The following AKAP9 variants were observed in gnomAD, a reference collection of about 807,000 sequenced individuals.
The protein encoded by AKAP9 is A-kinase anchor protein 9.
Under a neutral mutation model 488.5 loss-of-function variants are expected in AKAP9, and 311 were observed. The observed-to-expected ratio is 0.64, with a 90% CI of 0.58 to 0.70. The LOEUF (loss-of-function observed/expected upper bound fraction) is 0.70, where lower values mean the gene tolerates loss of function less well. Ranked by LOEUF, AKAP9 falls within the 30% of genes least tolerant of loss-of-function variation. The pLI is 0.00. For synonymous variants in AKAP9, 1,462 were observed against 1,483.5 expected, an observed-to-expected ratio of 0.99 and a Z score of 0.33; for missense variants, 4,215 against 4,374.5, an observed-to-expected ratio of 0.96 and a Z score of 1.03.
chr7:92,087,477 A>G (rs746396744), intron 37 of AKAP9, among the ~76,000 whole-genome samples: 4 of 152,184 alleles, frequency 2.6e-5, no homozygotes, highest in Non-Finnish European at 4.4e-5. Context: ...TCTAAAAAGA[A>G]ATTCACTTAT....
At chr7:91,996,429 C>T (rs561119255) in intron 7 of AKAP9, among the ~76,000 whole-genome samples, 1 of 152,310 alleles carries the variant, frequency 6.6e-6, no homozygotes, top group South Asian at 2.1e-4. Flanking sequence ...GGCCACCCCA[C>T]TAACAGGTGT....
At chr7:92,052,044 T>G (rs1808069461) in intron 21 of AKAP9, among the ~76,000 whole-genome samples, 1 of 152,172 alleles carries the variant, frequency 6.6e-6, no homozygotes, top group African/African-American at 2.4e-5. Context: ...AAAGTTAAAT[T>G]AGACCTGCTC....
intron 21 of AKAP9, among the ~76,000 whole-genome samples, chr7:92,050,853 T>G (rs1188047954): frequency 1.3e-5 from 2 of 152,164 alleles, no homozygotes; most frequent in Non-Finnish European, 2.9e-5. Context: ...TTCCTGATTT[T>G]TTAGTATTTT....
rs370898377 is a variant in AKAP9 at position 92,077,095 on chromosome 7, TC to T, written c.6765+89del. 1,533 of 394,146 alleles carry T rather than the reference TC, an allele frequency of 3.9e-3. 40 individuals carry two copies. The highest frequency in any genetic ancestry group is 0.014 in the African/African-American group (567 of 41,768). The allele number at this position is 394,146 out of a possible 1,614,324, so 24.4% of individuals were successfully genotyped here. On this transcript the variant is annotated intron_variant, in intron 29 of 49. Transcript: ENST00000356239. Reference sequence around the variant, plus strand: ...ATTATTATTATTATTATTATTTCTTTCTTTTTTTTTTTTTTTTTGAGACTTA... The same window carrying T: ...ATTATTATTATTATTATTATTTCTTTTTTTTTTTTTTTTTTTTGAGACTTA...
intron 1 of AKAP9, among the ~76,000 whole-genome samples, chr7:91,942,894 T>C (rs1221596175): frequency 6.6e-6 from 1 of 152,118 alleles, no homozygotes; most frequent in Non-Finnish European, 1.5e-5. Flanking sequence ...ATGAGACTTG[T>C]AAGGCAAGGT....
intron 16 of AKAP9, among the ~76,000 whole-genome samples, chr7:92,032,131 A>C (rs779109878): frequency 2.6e-4 from 39 of 152,196 alleles, no homozygotes; most frequent in Non-Finnish European, 5.0e-4. Context: ...CATATACCCT[A>C]GTGTAACATT....
intron 1 of AKAP9, among the ~76,000 whole-genome samples, chr7:91,957,521 A>T (rs1343675252): frequency 6.6e-6 from 1 of 152,194 alleles, no homozygotes; most frequent in Admixed American, 6.5e-5. Flanking sequence ...TATTTAGTAG[A>T]ATAATGGAAT....
At chr7:91,948,058 G>C (rs573333570) in intron 1 of AKAP9, among the ~76,000 whole-genome samples, 1 of 152,316 alleles carries the variant, frequency 6.6e-6, no homozygotes, top group South Asian at 2.1e-4. Context: ...GTGACCCTTT[G>C]TGTCTGGCTT....
At chr7:92,104,284 G>A (rs1389513508) in intron 46 of AKAP9, among the ~76,000 whole-genome samples, 3 of 150,426 alleles carry the variant, frequency 2.0e-5, no homozygotes, top group East Asian at 2.0e-4. Flanking sequence ...TCCGCCTCCC[G>A]GGTTCATGCC....
intron 38 of AKAP9, 104 bp downstream of exon 38, chr7:92,089,633 A>C: frequency 8.0e-7 from 1 of 1,248,556 alleles, no homozygotes; most frequent in Non-Finnish European, 1.1e-6. Flanking sequence ...TCTTGGTCAC[A>C]TTTTCTTCTC....
chr7:92,045,770 G>A (rs1806866673), intron 21 of AKAP9, among the ~76,000 whole-genome samples: 1 of 151,728 alleles, frequency 6.6e-6, no homozygotes, highest in African/African-American at 2.4e-5. Context: ...TGATATGCCA[G>A]AGCTGTCTTC....
intron 5 of AKAP9, 97 bp from the exon 6 acceptor site, chr7:91,994,524 A>T (rs1798151732): frequency 9.8e-7 from 1 of 1,022,402 alleles, no homozygotes; most frequent in Non-Finnish European, 1.5e-6. Flanking sequence ...AAGTGTAAGA[A>T]TTATGCCAAT....
At chr7:91,957,712 T>C (rs1300155885) in intron 1 of AKAP9, among the ~76,000 whole-genome samples, 1 of 152,224 alleles carries the variant, frequency 6.6e-6, no homozygotes, top group African/African-American at 2.4e-5. Context: ...GTTCCTCCTG[T>C]AACTAAAGTT....
chr7:91,991,472 CTTTT>C (rs766603127), intron 3 of AKAP9, among the ~76,000 whole-genome samples: 2 of 135,876 alleles, frequency 1.5e-5, no homozygotes, highest in African/African-American at 2.7e-5. Context: ...GGGAAGAACT[CTTTT>C]TTTTTTTTTT....
intron 32 of AKAP9, 131 bp from the exon 33 acceptor site, chr7:92,083,039 G>A: frequency 2.8e-6 from 3 of 1,065,094 alleles, no homozygotes; most frequent in Non-Finnish European, 1.3e-6. Flanking sequence ...TTTCTGAAAT[G>A]TTTTTCCTAC....
In AKAP9 at chr7:91,989,764, TTTA is replaced by T. The variant is rs1242511253; in HGVS notation, c.352-2391_352-2389del. ...ATGAACTTTTATGAGCCATCAGATT[TTTA>T]TTTTTTATGAAAATATTCAATATTA... On this transcript the variant is annotated intron_variant, in intron 3 of 49. Coordinates refer to ENST00000356239, the MANE Select transcript of AKAP9 (RefSeq NM_005751.5). Among the ~76,000 whole-genome samples, 12 of 152,220 alleles carry T rather than the reference TTTA, an allele frequency of 7.9e-5. No individual in the cohort carries two copies. In the East Asian group the frequency reaches 2.3e-3, roughly 29 times the overall value.
In AKAP9 at chr7:92,079,529, G is replaced by A; in HGVS notation, c.7396G>A (p.Glu2466Lys). 2 of 1,613,844 alleles carry A rather than the reference G, an allele frequency of 1.2e-6. No individual in the cohort carries two copies. The highest frequency in any genetic ancestry group is 1.7e-6 in the Non-Finnish European group (2 of 1,179,996). The change falls in exon 31 of 50, where the codon GAA becomes AAA. Residue 2466 changes from glutamate to lysine, a missense_variant. Glu to Lys is a moderately conservative substitution (Grantham distance 56). Coordinates refer to ENST00000356239, the MANE Select transcript of AKAP9 (RefSeq NM_005751.5). ...DHLSKDKPEL[E>K]VVLTEDALKS... ...TCTGAGCAAAGACAAACCTGAACTAGAAGTAGTCCTTACAGAGGATGCTCT... is the reference window on the plus strand; with the variant it reads ...TCTGAGCAAAGACAAACCTGAACTAAAAGTAGTCCTTACAGAGGATGCTCT...
rs1809439195 is a variant in AKAP9 at position 92,059,836 on chromosome 7, G to A, written c.5602-1424G>A. Among the ~76,000 whole-genome samples the A allele has an allele frequency of 4.0e-5, 6 of 151,758 alleles. No homozygotes were observed. The South Asian group carries it at 1.2e-3, about 31-fold the overall frequency. On this transcript the variant is annotated intron_variant, in intron 22 of 49. Coordinates refer to ENST00000356239, the MANE Select transcript of AKAP9 (RefSeq NM_005751.5). The stretch of plus-strand genomic sequence containing the variant: ...TTTGTAATAAAAATTAATGATATTA[G>A]TTATCCAGACTTTAAAGGAAAAACT...
intron 1 of AKAP9, among the ~76,000 whole-genome samples, chr7:91,952,352 T>A (rs1391666453): frequency 6.6e-6 from 1 of 152,218 alleles, no homozygotes; most frequent in Non-Finnish European, 1.5e-5. Flanking sequence ...AGACATGGAC[T>A]CTGCCAAGCA....
Sources: gnomAD v4.1 joint callset for allele counts (sites outside exome capture counted in the v4.1 genomes callset) on GRCh38, gnomAD v4.1.1 for gene constraint, MANE v1.5 for transcripts, NCBI Gene and HGNC (gene_info 2026-07-23, HGNC 2026-07-21) for gene names.